TBXAS1: variants seen among roughly 807,000 people sequenced by gnomAD.
TBXAS1 encodes the protein thromboxane A synthase 1.
In TBXAS1, 48 loss-of-function variants were observed where a neutral mutation model predicts 60.7. The observed-to-expected ratio is 0.79, with a 90% CI of 0.63 to 1.01. The LOEUF is 1.01. Among genes scored for constraint, TBXAS1 ranks in the 50% least tolerant of loss-of-function variants. The pLI is 0.00. For synonymous variants in TBXAS1, 287 were observed against 269.7 expected (o/e 1.06, Z -0.63); for missense variants, 685 against 686.3 (o/e 1.00, Z 0.02).
intron 9 of TBXAS1, among the ~76,000 whole-genome samples, chr7:139,990,970 A>G (rs1812854177): frequency 6.6e-6 from 1 of 152,190 alleles, no homozygotes; most frequent in African/African-American, 2.4e-5. Context: ...TTGCAGGAGC[A>G]GAGACACGAA....
intron 4 of TBXAS1, among the ~76,000 whole-genome samples, chr7:139,791,209 TA>T (rs1276366739): frequency 6.6e-6 from 1 of 152,208 alleles, no homozygotes; most frequent in Non-Finnish European, 1.5e-5. Flanking sequence ...TGGTGACAGA[TA>T]AATGCTAACG....
rs1007530122 is a variant in TBXAS1, at chr7:139,975,154, C to T, written c.1134+12921C>T. Among the ~76,000 whole-genome samples the T allele has an allele frequency of 3.9e-5, 6 of 152,126 alleles. No homozygotes were observed. The highest frequency in any genetic ancestry group is 7.2e-5 in the African/African-American group (3 of 41,414). ...GGCCTTCAACCGATTGGATGAGGCACGCCCATATTATTGAGGATAATCTCC... is the reference window on the plus strand; with the variant it reads ...GGCCTTCAACCGATTGGATGAGGCATGCCCATATTATTGAGGATAATCTCC... On this transcript the variant is annotated intron_variant, in intron 9 of 12. Coordinates refer to ENST00000448866, the MANE Select transcript of TBXAS1 (RefSeq NM_001061.7). The surrounding 1 kb of genome is among the most constrained non-coding windows in gnomAD (Gnocchi z 4.4).
intron 1 of TBXAS1, among the ~76,000 whole-genome samples, chr7:139,834,782 A>G (rs1331511739): frequency 6.6e-6 from 1 of 152,196 alleles, no homozygotes; most frequent in Non-Finnish European, 1.5e-5. Context: ...AGCATTAGAT[A>G]CCCTGAACAG....
At chr7:139,895,126 A>G (rs1803987372) in intron 3 of TBXAS1, among the ~76,000 whole-genome samples, 1 of 152,106 alleles carries the variant, frequency 6.6e-6, no homozygotes, top group Non-Finnish European at 1.5e-5. Context: ...TTCTAGGAGG[A>G]AGTAGGTCTT....
chr7:139,982,946 C>A (rs553563417), intron 9 of TBXAS1, among the ~76,000 whole-genome samples: 6 of 152,252 alleles, frequency 3.9e-5, no homozygotes, highest in African/African-American at 1.4e-4. Context: ...GGTTTCCTTC[C>A]ACCACTCTTT....
chr7:139,907,719 G>A (rs1805213893), intron 3 of TBXAS1, among the ~76,000 whole-genome samples: 1 of 152,012 alleles, frequency 6.6e-6, no homozygotes, highest in Admixed American at 6.5e-5. Flanking sequence ...TATGATTTAA[G>A]AGACTCCAAG....
At chr7:139,912,679 C>T (rs557548059) in intron 4 of TBXAS1, among the ~76,000 whole-genome samples, 3 of 152,198 alleles carry the variant, frequency 2.0e-5, no homozygotes, top group African/African-American at 7.2e-5. Flanking sequence ...GCCCAGGCCA[C>T]CAGGATGCAG....
rs1024466566 is a variant in TBXAS1, at chr7:139,778,723, C to T, written c.-318+252C>T. ...CCACTCCATCACTTGAATGGGAGCT[C>T]ACAACTCTCTGGGTCCTCGCTTTTC... On this transcript the variant is annotated intron_variant, in intron 1 of 16. Coordinates refer to the TBXAS1 transcript ENST00000336425. This position sits in a 1 kb window ranked among gnomAD's most constrained non-coding sequence, Gnocchi z 4.8. Among the ~76,000 whole-genome samples, 3 of 152,146 alleles carry T rather than the reference C, an allele frequency of 2.0e-5. No homozygotes were observed. Among genetic ancestry groups the T allele is most frequent in the Non-Finnish European group, 4.4e-5 (3 of 68,028 alleles).
At chr7:139,810,141 A>G (rs536551559) in intron 4 of TBXAS1, among the ~76,000 whole-genome samples, 86 of 151,994 alleles carry the variant, frequency 5.7e-4, no homozygotes, top group African/African-American at 2.0e-3. Context: ...GGCTCAATCA[A>G]TTCTCCAACC....
chr7:139,883,603 T>TA, intron 3 of TBXAS1, among the ~76,000 whole-genome samples: 1 of 152,320 alleles, frequency 6.6e-6, no homozygotes, highest in South Asian at 2.1e-4. Context: ...AATCTGCAGT[T>TA]AAAATCCCAG....
chr7:139,833,081 C>CA (rs1224810201), intron 1 of TBXAS1, among the ~76,000 whole-genome samples: 3 of 151,400 alleles, frequency 2.0e-5, no homozygotes, highest in African/African-American at 2.4e-5. Flanking sequence ...ACAACAACAA[C>CA]AAAAAAAACC....
intron 10 of TBXAS1, among the ~76,000 whole-genome samples, chr7:140,009,807 G>A (rs1188285217): frequency 2.3e-5 from 1 of 43,198 alleles, no homozygotes; most frequent in East Asian, 6.4e-4. Context: ...ACACCTCCAT[G>A]CTGGCCCCAT....
intron 3 of TBXAS1, among the ~76,000 whole-genome samples, chr7:139,910,293 G>GCTGA (rs745905415): frequency 5.9e-5 from 9 of 152,154 alleles, no homozygotes; most frequent in Non-Finnish European, 1.3e-4. Flanking sequence ...CACGCCACCA[G>GCTGA]CTGACTGACT....
At chr7:139,894,151 T>G (rs960435215) in intron 3 of TBXAS1, among the ~76,000 whole-genome samples, 1 of 152,166 alleles carries the variant, frequency 6.6e-6, no homozygotes, top group Non-Finnish European at 1.5e-5. Context: ...CTGCCAAGCC[T>G]GGGGGCTTTC....
rs79697243 is a variant in TBXAS1, at chr7:139,879,613, T to C, written c.236+3976T>C. ...GTTTATATTCAATATATACCAATAT[T>C]GAATATAAATATATATTGATATATA... On this transcript the variant is annotated intron_variant, in intron 3 of 12. Coordinates refer to ENST00000448866, the MANE Select transcript of TBXAS1 (RefSeq NM_001061.7). Among the ~76,000 whole-genome samples, 1,138 of 152,236 alleles carry C rather than the reference T, an allele frequency of 7.5e-3. 15 individuals are homozygous for C. The highest frequency in any genetic ancestry group is 0.026 in the African/African-American group (1,091 of 41,550).
At chr7:140,003,227 G>A (rs1813816204) in intron 9 of TBXAS1, among the ~76,000 whole-genome samples, 1 of 151,696 alleles carries the variant, frequency 6.6e-6, no homozygotes, top group South Asian at 2.1e-4. Context: ...TTGTTTGTCT[G>A]TTTGTTTGAG....
chr7:139,832,221 A>G (rs1478878211), intron 1 of TBXAS1, among the ~76,000 whole-genome samples: 1 of 152,190 alleles, frequency 6.6e-6, no homozygotes, highest in Non-Finnish European at 1.5e-5. Flanking sequence ...ACACTCCCCC[A>G]ATTTGAGTGG....
At chr7:139,875,374 T>C (rs1802149642) in intron 2 of TBXAS1, among the ~76,000 whole-genome samples, 1 of 152,244 alleles carries the variant, frequency 6.6e-6, no homozygotes. Flanking sequence ...GAACTGGTGA[T>C]CTCTCCTGTC....
intron 3 of TBXAS1, among the ~76,000 whole-genome samples, chr7:139,905,057 T>TTCTTTCTTTCTTTCTTTCTTTCTC (rs1247644902): frequency 9.3e-6 from 1 of 107,492 alleles, no homozygotes; most frequent in Non-Finnish European, 1.8e-5. Flanking sequence ...CTTTCTTTCT[T>TTCTTTCTTTCTTTCTTTCTTTCTC]TCTCTCTCTC....
Sources: gnomAD v4.1 joint callset for allele counts (sites outside exome capture counted in the v4.1 genomes callset) on GRCh38, gnomAD v4.1.1 for gene constraint, Gnocchi (gnomAD v3.1) non-coding constraint, MANE v1.5 for transcripts, NCBI Gene and HGNC (gene_info 2026-07-23, HGNC 2026-07-21) for gene names.